ADAMTS2: variants seen among roughly 807,000 people sequenced by gnomAD.
ADAMTS2 encodes ADAM metallopeptidase with thrombospondin type 1 motif 2.
In ADAMTS2, 50 loss-of-function variants were observed where a neutral mutation model predicts 123.0. The observed-to-expected ratio is 0.41, with a 90% CI of 0.32 to 0.51. ADAMTS2 has a LOEUF of 0.51. Among genes scored for constraint, ADAMTS2 ranks in the 20% least tolerant of loss-of-function variants. The pLI is 0.35. For missense variants in ADAMTS2, 1,494 were observed against 1,705.2 expected (o/e 0.88, Z 2.18); for synonymous variants, 678 against 695.4 (o/e 0.98, Z 0.39).
intron 12 of ADAMTS2, 94 bp from the exon 13 acceptor site, chr5:179,136,136 G>A (rs1581145976): frequency 1.3e-6 from 2 of 1,598,492 alleles, no homozygotes; most frequent in Non-Finnish European, 8.6e-7. Context: ...TTTCCACAAG[G>A]GTCCCCACGT....
intron 10 of ADAMTS2, among the ~76,000 whole-genome samples, chr5:179,144,454 T>G (rs998746636): frequency 1.3e-5 from 2 of 152,318 alleles, no homozygotes; most frequent in Admixed American, 1.3e-4. Flanking sequence ...GGATGTAGAA[T>G]AGCCAAAATA....
chr5:179,265,762 G>A (rs17079283), intron 3 of ADAMTS2, among the ~76,000 whole-genome samples: 35,974 of 152,182 alleles, frequency 0.24, 5,008 homozygotes, highest in East Asian at 0.55. Context: ...CCAAGGGCCC[G>A]GTCTGCACGA....
intron 3 of ADAMTS2, among the ~76,000 whole-genome samples, chr5:179,208,157 C>G (rs1388625466): frequency 6.6e-6 from 1 of 150,982 alleles, no homozygotes; most frequent in South Asian, 2.1e-4. Flanking sequence ...CTTGCCCACA[C>G]TGCCCGATGC....
intron 4 of ADAMTS2, 43 bp downstream of exon 4, chr5:179,207,470 G>T (rs1561805293): frequency 7.6e-6 from 10 of 1,323,528 alleles, no homozygotes; most frequent in East Asian, 2.3e-5. Flanking sequence ...GCCCCTGGTT[G>T]ACCCTCCCCG....
At chr5:179,119,329 A>G (rs553084528) in intron 21 of ADAMTS2, among the ~76,000 whole-genome samples, 4 of 152,310 alleles carry the variant, frequency 2.6e-5, no homozygotes, top group African/African-American at 9.6e-5. Context: ...GCCCGGCCCT[A>G]TGCCCAAGGC....
chr5:179,257,104 C>T (rs1766076704), intron 3 of ADAMTS2, among the ~76,000 whole-genome samples: 1 of 152,206 alleles, frequency 6.6e-6, no homozygotes, highest in South Asian at 2.1e-4. Context: ...TCACCAAGGG[C>T]CCACATTGTG....
At chr5:179,300,094 C>CAA (rs59939578) in intron 2 of ADAMTS2, among the ~76,000 whole-genome samples, 24,245 of 101,854 alleles carry the variant, frequency 0.24, 2,865 homozygotes, top group Middle Eastern at 0.31. Flanking sequence ...GACTCCGTCT[C>CAA]AAAAAAAAAA....
rs961124169 is a variant in ADAMTS2, at chr5:179,162,079, A to G, written c.976-3200T>C. Among the ~76,000 whole-genome samples, 1 of 152,146 alleles carries G rather than the reference A, an allele frequency of 6.6e-6. No individual in the cohort carries two copies. The highest frequency in any genetic ancestry group is 2.4e-5 in the African/African-American group (1 of 41,446). ...CTTCCTCCAGGGCACGTCTCCCAGCATCAGTGTCAAGGGAGTCCTGTCCAA... is the reference window on the plus strand; with the variant it reads ...CTTCCTCCAGGGCACGTCTCCCAGCGTCAGTGTCAAGGGAGTCCTGTCCAA... On this transcript the variant is annotated intron_variant, in intron 5 of 21. Coordinates refer to ENST00000251582, the MANE Select transcript of ADAMTS2 (RefSeq NM_014244.5). The surrounding 1 kb of genome is among the most constrained non-coding windows in gnomAD (Gnocchi z 5.1).
chr5:179,340,126 G>A (rs944252997), intron 2 of ADAMTS2, among the ~76,000 whole-genome samples: 3 of 152,364 alleles, frequency 2.0e-5, no homozygotes, highest in Admixed American at 2.0e-4. Context: ...TGTGGGGTTC[G>A]CATCAAGCAT....
Position 179,189,651 on chromosome 5 carries a change from CCG to C in ADAMTS2, c.892-8498_892-8497del, listed in dbSNP as rs1764259174. ...GGATTACAGGCGTGAGCCACCGCGCCCGGCCAGGAGCAATTTTTTGTGGGCTG... is the reference window on the plus strand; with the variant it reads ...GGATTACAGGCGTGAGCCACCGCGCCGCCAGGAGCAATTTTTTGTGGGCTG... On this transcript the variant is annotated intron_variant, in intron 4 of 21. Transcript: ENST00000251582. This position sits in a 1 kb window ranked among gnomAD's most constrained non-coding sequence, Gnocchi z 4.2. Among the ~76,000 whole-genome samples, 1 of 151,484 alleles carries C rather than the reference CCG, an allele frequency of 6.6e-6. No homozygotes were observed. Among genetic ancestry groups the C allele is most frequent in the South Asian group, 2.1e-4 (1 of 4,774 alleles).
In ADAMTS2 at chr5:179,314,443, G is replaced by GA. The variant is rs1756924116; in HGVS notation, c.534+29323dup. Among the ~76,000 whole-genome samples, 1 of 150,754 alleles carries GA rather than the reference G, an allele frequency of 6.6e-6. No individual in the cohort carries two copies. Among genetic ancestry groups the GA allele is most frequent in the South Asian group, 2.2e-4 (1 of 4,620 alleles). On this transcript the variant is annotated intron_variant, in intron 2 of 21. Transcript: ENST00000251582. This position sits in a 1 kb window ranked among gnomAD's most constrained non-coding sequence, Gnocchi z 4.5. ...CCCGTGGCGTGGCGTGGCGTGGCCG[G>GA]AATACTCAGTTTTCCCTGCTTTTTG...
chr5:179,279,599 C>T (rs1405296124), intron 2 of ADAMTS2, among the ~76,000 whole-genome samples: 1 of 152,254 alleles, frequency 6.6e-6, no homozygotes, highest in Admixed American at 6.5e-5. Context: ...CCTGCTCGGG[C>T]ACTCTCTTGC....
At chr5:179,208,355 C>T (rs552656145) in intron 3 of ADAMTS2, among the ~76,000 whole-genome samples, 1 of 152,202 alleles carries the variant, frequency 6.6e-6, no homozygotes, top group Non-Finnish European at 1.5e-5. Context: ...AAGCGAGGCC[C>T]CACATCTCTG....
chr5:179,127,500 G>A (rs1231972242), intron 17 of ADAMTS2, among the ~76,000 whole-genome samples: 1 of 152,092 alleles, frequency 6.6e-6, no homozygotes, highest in Admixed American at 6.6e-5. Flanking sequence ...AGACTCTCTG[G>A]GGTCCAGAGT....
At position 179,207,679 on chromosome 5, in the gene ADAMTS2, G is replaced by A. The variant is rs753013745; in HGVS notation, c.725C>T (p.Ala242Val). The change falls in exon 4 of 22, where the codon GCC (alanine) becomes GTC (valine). Residue 242 changes from alanine (A) to valine (V), a missense_variant. Ala to Val is a moderately conservative substitution (Grantham distance 64). Transcript: ENST00000251582. Reference protein sequence around the residue: ...SLDSLDSLSRALGVLEEHANS... With the variant: ...SLDSLDSLSRVLGVLEEHANS... ...GGCGTGCTCCTCTAGGACGCCCAGG[G>A]CGCGGCTGAGGCTGTCCAGGCTGTC... is the stretch of plus-strand genomic sequence containing the variant. 6.2e-6 allele frequency: 10 copies of A among 1,613,144 alleles called. No homozygotes were observed. The South Asian group carries it at 7.7e-5, about 12-fold the overall frequency.
intron 2 of ADAMTS2, among the ~76,000 whole-genome samples, chr5:179,276,800 G>A (rs1480717163): frequency 6.6e-6 from 1 of 152,202 alleles, no homozygotes; most frequent in Non-Finnish European, 1.5e-5. Context: ...CCTTATGGCA[G>A]CTCCATCTTC....
intron 3 of ADAMTS2, among the ~76,000 whole-genome samples, chr5:179,233,023 C>G (rs562522670): frequency 6.6e-6 from 1 of 152,160 alleles, no homozygotes; most frequent in African/African-American, 2.4e-5. Flanking sequence ...AGGCGTTCAC[C>G]CTTCAAACTC....
chr5:179,221,845 C>T (rs1257320483), intron 3 of ADAMTS2, among the ~76,000 whole-genome samples: 2 of 152,158 alleles, frequency 1.3e-5, no homozygotes, highest in African/African-American at 4.8e-5. Flanking sequence ...GGCTGCTGGG[C>T]CCCCAAACCA....
intron 10 of ADAMTS2, among the ~76,000 whole-genome samples, chr5:179,140,799 C>CTTTTTTT (rs770094463): frequency 0.01 from 940 of 90,408 alleles, 106 homozygotes; most frequent in Middle Eastern, 0.029. Flanking sequence ...ACTGCATGCT[C>CTTTTTTT]TTTTTTTTTT....
Sources: gnomAD v4.1 joint callset for allele counts (sites outside exome capture counted in the v4.1 genomes callset) on GRCh38, gnomAD v4.1.1 for gene constraint, Gnocchi (gnomAD v3.1) non-coding constraint, MANE v1.5 for transcripts, NCBI Gene and HGNC (gene_info 2026-07-23, HGNC 2026-07-21) for gene names.